Variants in PSD3 observed in about 807,000 individuals in gnomAD.
PSD3 encodes PH and SEC7 domain-containing protein 3.
In PSD3, 49 loss-of-function variants were observed where a neutral mutation model predicts 105.5. The observed-to-expected ratio is 0.46, with a 90% CI of 0.37 to 0.59. PSD3 has a LOEUF of 0.59. PSD3 is among the 20% of genes least tolerant of loss of function. PSD3 has a pLI of 0.00. For missense variants in PSD3, 1,561 were observed against 1,263.8 expected, an observed-to-expected ratio of 1.24 and a Z score of -3.57; for synonymous variants, 557 against 457.8, an observed-to-expected ratio of 1.22 and a Z score of -2.77.
chr8:18,841,605 A>G (rs1563334169), intron 4 of PSD3, among the ~76,000 whole-genome samples: 1 of 152,140 alleles, frequency 6.6e-6, no homozygotes, highest in Non-Finnish European at 1.5e-5. Context: ...ACACTGGTGA[A>G]TGTGTGGGCT....
At chr8:18,738,244 A>T (rs1563212403) in intron 9 of PSD3, among the ~76,000 whole-genome samples, 1 of 152,140 alleles carries the variant, frequency 6.6e-6, no homozygotes, top group Non-Finnish European at 1.5e-5. Flanking sequence ...TGGGAAAACC[A>T]TGGCAGTGAG....
intron 8 of PSD3, among the ~76,000 whole-genome samples, chr8:18,798,826 C>T (rs993002431): frequency 2.0e-5 from 3 of 151,862 alleles, no homozygotes; most frequent in African/African-American, 7.3e-5. Flanking sequence ...GATGATGAGA[C>T]GGTAATTAGT....
intron 9 of PSD3, among the ~76,000 whole-genome samples, chr8:18,668,136 G>A (rs2130901682): frequency 6.6e-6 from 1 of 152,362 alleles, no homozygotes; most frequent in South Asian, 2.1e-4. Flanking sequence ...CTCCCACAGT[G>A]CAGCGGCAGG....
At chr8:18,758,604 G>A (rs767216534) in intron 9 of PSD3, among the ~76,000 whole-genome samples, 2 of 152,014 alleles carry the variant, frequency 1.3e-5, no homozygotes, top group African/African-American at 2.4e-5. Context: ...AAATCTGAGA[G>A]CCTCACTTTA....
At chr8:19,072,607 A>G (rs1392163009) in intron 1 of PSD3, among the ~76,000 whole-genome samples, 1 of 152,194 alleles carries the variant, frequency 6.6e-6, no homozygotes, top group African/African-American at 2.4e-5. Context: ...AAAGAGAGAA[A>G]ACCCAGGCCA....
At chr8:18,767,656 A>G (rs1807126084) in intron 8 of PSD3, among the ~76,000 whole-genome samples, 1 of 152,280 alleles carries the variant, frequency 6.6e-6, no homozygotes, top group Non-Finnish European at 1.5e-5. Flanking sequence ...CTGAGGCAGA[A>G]TAACTGCTTG....
intron 1 of PSD3, among the ~76,000 whole-genome samples, chr8:19,058,546 T>C (rs1406535624): frequency 6.6e-6 from 1 of 151,026 alleles, no homozygotes; most frequent in Non-Finnish European, 1.5e-5. Context: ...GAACTGTACA[T>C]ACACACACAC....
chr8:18,874,452 A>C (rs1157973148), intron 2 of PSD3, among the ~76,000 whole-genome samples: 1 of 152,134 alleles, frequency 6.6e-6, no homozygotes, highest in African/African-American at 2.4e-5. Context: ...GTCATGAGCC[A>C]TCGCACCTGG....
intron 15 of PSD3, among the ~76,000 whole-genome samples, chr8:18,552,411 C>A (rs1800821786): frequency 2.0e-5 from 3 of 152,146 alleles, no homozygotes; most frequent in Admixed American, 6.5e-5. Context: ...GTTTTTAAAG[C>A]TGAAGAAACA....
At chr8:18,990,734 G>T (rs527641101) in intron 1 of PSD3, among the ~76,000 whole-genome samples, 1 of 152,246 alleles carries the variant, frequency 6.6e-6, no homozygotes, top group South Asian at 2.1e-4. Context: ...AATCAGAAAA[G>T]GTTGCCTGTG....
At chr8:18,615,848 C>T (rs991641375) in intron 11 of PSD3, among the ~76,000 whole-genome samples, 1 of 152,150 alleles carries the variant, frequency 6.6e-6, no homozygotes, top group Non-Finnish European at 1.5e-5. Context: ...GAAGACCCTG[C>T]TGTGCACGCA....
Position 18,535,925 on chromosome 8 carries a change from T to C in PSD3, c.2962A>G (p.Lys988Glu), listed in dbSNP as rs150406783. 991 of 1,614,160 alleles carry C rather than the reference T, an allele frequency of 6.1e-4. 10 individuals are homozygous for C. The East Asian group carries it at 0.017, about 28-fold the overall frequency. The stretch of plus-strand genomic sequence containing the variant: ...CTCAGTAGCTCTTTGCCTCCTTCCT[T>C]GAGAATGCTGACATACATTTCATAG... ...TRYEMYVSIL[K>E]EGGKELLSND... The change falls in exon 16 of 16, where the codon AAG becomes GAG. Residue 988 changes from lysine to glutamate, a missense_variant. By Grantham distance (56) the Lys-to-Glu change is moderately conservative. Transcript: ENST00000327040.
At chr8:18,849,020 A>AG (rs1409704490) in intron 4 of PSD3, among the ~76,000 whole-genome samples, 1 of 152,242 alleles carries the variant, frequency 6.6e-6, no homozygotes, top group African/African-American at 2.4e-5. Flanking sequence ...AGAAAATCCA[A>AG]GGCCAAAATC....
At chr8:18,652,491 T>G (rs930803114) in intron 10 of PSD3, among the ~76,000 whole-genome samples, 1 of 128,074 alleles carries the variant, frequency 7.8e-6, no homozygotes, top group African/African-American at 2.9e-5. Flanking sequence ...GGAAAAAGCT[T>G]AGTTTTTTTT....
chr8:18,869,512 G>A (rs1048223555), intron 3 of PSD3, among the ~76,000 whole-genome samples: 2 of 152,148 alleles, frequency 1.3e-5, no homozygotes, highest in Non-Finnish European at 2.9e-5. Context: ...CACACAGGGA[G>A]AGTTTCAAAT....
At chr8:18,963,760 G>C (rs775756443) in intron 1 of PSD3, among the ~76,000 whole-genome samples, 3 of 152,158 alleles carry the variant, frequency 2.0e-5, no homozygotes, top group Non-Finnish European at 4.4e-5. Flanking sequence ...AATATTTTAA[G>C]ACTTTGTTCA....
chr8:18,783,020 A>T (rs1029658684), intron 8 of PSD3, among the ~76,000 whole-genome samples: 1 of 152,236 alleles, frequency 6.6e-6, no homozygotes, highest in Non-Finnish European at 1.5e-5. Context: ...CTCTCATAGA[A>T]TTACTTAAAA....
intron 8 of PSD3, among the ~76,000 whole-genome samples, chr8:18,783,196 CCTTTT>C (rs1265878166): frequency 1.3e-5 from 2 of 152,084 alleles, no homozygotes; most frequent in Admixed American, 1.3e-4. Flanking sequence ...GGTTTTGTTT[CCTTTT>C]GAGTTTCAGT....
At chr8:18,775,819 G>A (rs1406675617) in intron 8 of PSD3, among the ~76,000 whole-genome samples, 1 of 152,134 alleles carries the variant, frequency 6.6e-6, no homozygotes, top group Non-Finnish European at 1.5e-5. Flanking sequence ...CTGGGCAGAA[G>A]GGTTTTAGCT....
Sources: allele counts gnomAD v4.1 joint callset (sites outside exome capture counted in the v4.1 genomes callset), GRCh38; gene constraint gnomAD v4.1.1; transcripts MANE v1.5; gene names NCBI Gene and HGNC (gene_info 2026-07-23, HGNC 2026-07-21).